Variants in NTNG2 observed in about 807,000 individuals in gnomAD.
The protein encoded by NTNG2 is netrin G2.
A neutral mutation model predicts 47.6 loss-of-function variants in NTNG2; 15 were observed. The observed-to-expected ratio is 0.32, with a 90% CI of 0.21 to 0.49. NTNG2 has a LOEUF of 0.49. Ranked by LOEUF, NTNG2 falls within the 20% of genes least tolerant of loss-of-function variation. The pLI is 0.99. For synonymous variants in NTNG2, 307 were observed against 324.6 expected, an observed-to-expected ratio of 0.95 and a Z score of 0.58; for missense variants, 578 against 764.6, an observed-to-expected ratio of 0.76 and a Z score of 2.88.
At chr9:132,189,272 TC>T (rs1038767558) in intron 2 of NTNG2, among the ~76,000 whole-genome samples, 13 of 151,794 alleles carry the variant, frequency 8.6e-5, no homozygotes, top group African/African-American at 3.1e-4. Context: ...GAGGTTTTTT[TC>T]TGTAGAGATG....
rs370506631 is a variant in NTNG2 at position 132,198,223 on chromosome 9, C to T, written c.471C>T (p.Asn157=). The T allele has an allele frequency of 2.1e-5, 34 of 1,613,188 alleles. No individual in the cohort carries two copies. Among genetic ancestry groups the T allele is most frequent in the East Asian group, 1.3e-4 (6 of 44,896 alleles). ...TVMVLEKSLD[N]GRTWQPYQFY... ...TGGTCCTGGAGAAGTCCCTGGACAA[C>T]GGGCGCACCTGGCAGCCCTACCAGT... The change falls in exon 3 of 8, where the codon AAC becomes AAT. Residue 157 remains asparagine (N), a synonymous_variant. Transcript: ENST00000393229.
chr9:132,167,299 A>G (rs1441639984), intron 2 of NTNG2, among the ~76,000 whole-genome samples: 6 of 152,242 alleles, frequency 3.9e-5, no homozygotes, highest in African/African-American at 1.4e-4. Flanking sequence ...CCAGCTGGCC[A>G]CTAGTTCAGT....
intron 3 of NTNG2, among the ~76,000 whole-genome samples, chr9:132,204,154 G>A (rs1272296463): frequency 6.6e-6 from 1 of 152,168 alleles, no homozygotes; most frequent in East Asian, 1.9e-4. Context: ...GTCCTTGAGC[G>A]AGAGGAAACC....
At chr9:132,192,116 G>A (rs1405934673) in intron 2 of NTNG2, among the ~76,000 whole-genome samples, 4 of 152,168 alleles carry the variant, frequency 2.6e-5, no homozygotes, top group Non-Finnish European at 5.9e-5. Context: ...GGAGATGGGT[G>A]GAAACGCGCA....
chr9:132,189,791 C>T (rs1459223426), intron 2 of NTNG2, among the ~76,000 whole-genome samples: 4 of 151,878 alleles, frequency 2.6e-5, no homozygotes, highest in South Asian at 2.1e-4. Flanking sequence ...AGGCACGAAA[C>T]GCTATGCCCA....
chr9:132,204,770 A>G (rs772112693), intron 3 of NTNG2, among the ~76,000 whole-genome samples: 3 of 152,128 alleles, frequency 2.0e-5, no homozygotes, highest in Non-Finnish European at 4.4e-5. Flanking sequence ...AACTGAGGCC[A>G]GGAGGTTGAG....
At position 132,162,569 on chromosome 9, in the gene NTNG2, A is replaced by AGTGTGTGTGTGTGTGT. The variant is rs769570116; in HGVS notation, c.-484+363_-484+378dup. 7.2e-4 allele frequency among the ~76,000 whole-genome samples: 81 copies of AGTGTGTGTGTGTGTGT among 112,464 alleles called. No individual in the cohort carries two copies. The highest frequency in any genetic ancestry group is 2.1e-3 in the African/African-American group (60 of 28,312). 73.8% of individuals were successfully genotyped at this position (112,464 alleles called of 152,430 possible). On this transcript the variant is annotated intron_variant, in intron 1 of 7. Transcript: ENST00000393229. This position sits in a 1 kb window ranked among gnomAD's most constrained non-coding sequence, Gnocchi z 4.6. ...GTGTGTGTGTGTGAGAGAGAGACAGAGTGTGTGTGTGTGTGTGTGTGTGTG... is the reference window on the plus strand; with the variant it reads ...GTGTGTGTGTGTGAGAGAGAGACAGAGTGTGTGTGTGTGTGTGTGTGTGTGTGTGTGTGTGTGTGTG...
chr9:132,195,241 A>G lies in NTNG2; in HGVS notation c.214-2725A>G, dbSNP rs947745463. The stretch of plus-strand genomic sequence containing the variant: ...CCCCACCCACCATCTTTCCCTGCCT[A>G]TTATCCACATCTTGCATTAGTGGGG... On this transcript the variant is annotated intron_variant, in intron 2 of 7. Transcript: ENST00000393229. 1.2e-4 allele frequency among the ~76,000 whole-genome samples: 18 copies of G among 151,974 alleles called. 2 individuals carry two copies. Among genetic ancestry groups the G allele is most frequent in the Admixed American group, 1.0e-3 (16 of 15,240 alleles).
At chr9:132,174,474 T>C (rs1564385252) in intron 2 of NTNG2, among the ~76,000 whole-genome samples, 1 of 152,222 alleles carries the variant, frequency 6.6e-6, no homozygotes, top group Admixed American at 6.5e-5. Flanking sequence ...TTCTGGGATG[T>C]GGGACTTGGG....
intron 6 of NTNG2, chr9:132,240,462 C>A (rs550529874): frequency 7.3e-5 from 16 of 217,854 alleles, no homozygotes; most frequent in Non-Finnish European, 1.4e-4. Context: ...ACCCCGGGAG[C>A]AGGAATAGGC....
At chr9:132,164,228 A>G (rs761471311) in intron 1 of NTNG2, among the ~76,000 whole-genome samples, 28 of 152,142 alleles carry the variant, frequency 1.8e-4, no homozygotes, top group Non-Finnish European at 3.4e-4. Flanking sequence ...TTTTAAATTT[A>G]TTTATTTTCC....
chr9:132,197,899 G>A lies in NTNG2; in HGVS notation c.214-67G>A, dbSNP rs537635928. On this transcript the variant is annotated intron_variant, in intron 2 of 7. Coordinates refer to ENST00000393229, the MANE Select transcript of NTNG2 (RefSeq NM_032536.4). This position sits in a 1 kb window ranked among gnomAD's most constrained non-coding sequence, Gnocchi z 4.3. The stretch of plus-strand genomic sequence containing the variant: ...GGTTCGCAGGCAGGGGCTAGGCCGC[G>A]CAGAGGCTTCCCAGGCCATCCCGAG... 2.4e-5 allele frequency: 36 copies of A among 1,500,670 alleles called. No individual in the cohort carries two copies. In the African/African-American group the frequency reaches 3.7e-4, roughly 16 times the overall value. 93.0% of individuals were successfully genotyped at this position (1,500,670 alleles called of 1,614,324 possible).
Position 132,163,571 on chromosome 9 carries a change from C to T in NTNG2, c.-484+1332C>T, listed in dbSNP as rs1437188395. On this transcript the variant is annotated intron_variant, in intron 1 of 7. Coordinates refer to ENST00000393229, the MANE Select transcript of NTNG2 (RefSeq NM_032536.4). This position sits in a 1 kb window ranked among gnomAD's most constrained non-coding sequence, Gnocchi z 7.2. ...GCCACTCTCCCCTGAAAGCAGATTT[C>T]ACCCCCCTCTGCCGCCCCTGCCGAG... Among the ~76,000 whole-genome samples the T allele has an allele frequency of 6.6e-6, 1 of 152,150 alleles. No homozygotes were observed.
chr9:132,206,426 G>A (rs1246987510), intron 3 of NTNG2, among the ~76,000 whole-genome samples: 1 of 152,224 alleles, frequency 6.6e-6, no homozygotes, highest in Admixed American at 6.5e-5. Flanking sequence ...CAACACTTTG[G>A]GAGGCCGAGG....
chr9:132,181,690 T>C (rs1389964397), intron 2 of NTNG2, among the ~76,000 whole-genome samples: 1 of 152,254 alleles, frequency 6.6e-6, no homozygotes, highest in Non-Finnish European at 1.5e-5. Flanking sequence ...GCCTCATGTA[T>C]ACCAAGCCCT....
In NTNG2 at chr9:132,231,205, G is replaced by T; in HGVS notation, c.1054+610G>T. 1 of 421,792 alleles carries T rather than the reference G, an allele frequency of 2.4e-6. No homozygotes were observed. Among genetic ancestry groups the T allele is most frequent in the Admixed American group, 2.6e-5 (1 of 38,770 alleles). 26.1% of individuals were successfully genotyped at this position (421,792 alleles called of 1,614,324 possible). The stretch of plus-strand genomic sequence containing the variant: ...TCCTGAGAGTTCCCCAGGAGGGCGA[G>T]GGCGACATGGCGCCCACAGGTTATC... On this transcript the variant is annotated intron_variant, in intron 5 of 7. Coordinates refer to ENST00000393229, the MANE Select transcript of NTNG2 (RefSeq NM_032536.4). This position sits in a 1 kb window ranked among gnomAD's most constrained non-coding sequence, Gnocchi z 4.1.
intron 3 of NTNG2, among the ~76,000 whole-genome samples, chr9:132,214,073 C>T (rs1564424186): frequency 1.3e-5 from 2 of 152,208 alleles, no homozygotes; most frequent in African/African-American, 4.8e-5. Flanking sequence ...CCTGGGGCCT[C>T]CTCCTCCCTG....
Position 132,242,050 on chromosome 9 carries a change from G to C in NTNG2, c.1532G>C (p.Arg511Pro). The C allele has an allele frequency of 7.9e-7, 1 of 1,270,010 alleles. No homozygotes were observed. Among genetic ancestry groups the C allele is most frequent in the Admixed American group, 4.2e-5 (1 of 23,606 alleles). 78.7% of individuals were successfully genotyped at this position (1,270,010 alleles called of 1,614,324 possible). Residue 511 changes from arginine (R) to proline (P), a missense_variant, in exon 8 of 8, where the codon CGC becomes CCC. By Grantham distance (103) the Arg-to-Pro change is moderately radical (BLOSUM62 -2). Transcript: ENST00000393229. The surrounding 1 kb of genome is among the most constrained non-coding windows in gnomAD (Gnocchi z 5.9). ...GACCGCGCGCCCGGGGCCGCCCCGC[G>C]CCCCGCCACCCTGCTCGGCTGCCTG... ...DCDRAPGAAP[R>P]PATLLGCLLL...
rs1351229717 is a variant in NTNG2, at chr9:132,231,281, G to T, written c.1054+686G>T. The T allele has an allele frequency of 4.4e-6, 2 of 455,926 alleles. No homozygotes were observed. Among genetic ancestry groups the T allele is most frequent in the Non-Finnish European group, 8.8e-6 (2 of 226,694 alleles). The allele number at this position is 455,926 out of a possible 1,614,324, so 28.2% of individuals were successfully genotyped here. On this transcript the variant is annotated intron_variant, in intron 5 of 7. Transcript: ENST00000393229. This position sits in a 1 kb window ranked among gnomAD's most constrained non-coding sequence, Gnocchi z 4.1. The stretch of plus-strand genomic sequence containing the variant: ...AGACACTCACAGGGTGCCAGGCACG[G>T]TCTCTCCTTTCAGCCTTGCAAACCC...
Sources: gnomAD v4.1 joint callset for allele counts (sites outside exome capture counted in the v4.1 genomes callset) on GRCh38, gnomAD v4.1.1 for gene constraint, Gnocchi (gnomAD v3.1) non-coding constraint, MANE v1.5 for transcripts, NCBI Gene and HGNC (gene_info 2026-07-23, HGNC 2026-07-21) for gene names.